MAP3K20: variants seen among roughly 807,000 people sequenced by gnomAD.
MAP3K20 encodes the protein mitogen-activated protein kinase kinase kinase 20, also known as HCCS-4.
Under a neutral mutation model 85.7 loss-of-function variants are expected in MAP3K20, and 40 were observed. That is an observed-to-expected ratio of 0.47 (90% CI 0.36 to 0.61). The LOEUF (loss-of-function observed/expected upper bound fraction) is 0.61, where lower values mean the gene tolerates loss of function less well. Among genes scored for constraint, MAP3K20 ranks in the 20% least tolerant of loss-of-function variants. MAP3K20 has a pLI of 0.00. For synonymous variants in MAP3K20, 325 were observed against 327.7 expected (o/e 0.99, Z 0.09); for missense variants, 817 against 961.7 (o/e 0.85, Z 1.99).
Position 173,238,352 on chromosome 2 carries a change from G to A in MAP3K20, c.1204-21G>A, listed in dbSNP as rs760358305. ...TTGGTATTACTGGATCATTAATAAA[G>A]TCATATGATTTTTTTTACAGTCAGC... On this transcript the variant is annotated intron_variant, in intron 14 of 19. Coordinates refer to ENST00000375213, the MANE Select transcript of MAP3K20 (RefSeq NM_016653.3). 4 of 1,599,338 alleles carry A rather than the reference G, an allele frequency of 2.5e-6. No homozygotes were observed. The South Asian group carries it at 3.3e-5, about 13-fold the overall frequency.
chr2:173,100,821 G>A (rs1282414460), intron 2 of MAP3K20, among the ~76,000 whole-genome samples: 1 of 152,158 alleles, frequency 6.6e-6, no homozygotes, highest in Admixed American at 6.5e-5. Flanking sequence ...TTTTGAATTG[G>A]AGAGTAAGCA....
chr2:173,148,774 G>T (rs879598914), intron 2 of MAP3K20, among the ~76,000 whole-genome samples: 18 of 152,198 alleles, frequency 1.2e-4, no homozygotes, highest in Admixed American at 2.0e-4. Context: ...GAATTTCATG[G>T]TTTGCCAAAT....
At chr2:173,190,090 T>G (rs1690603351) in intron 5 of MAP3K20, among the ~76,000 whole-genome samples, 1 of 152,192 alleles carries the variant, frequency 6.6e-6, no homozygotes, top group Admixed American at 6.5e-5. Context: ...TTGCCATACA[T>G]TTTTTGTCTG....
chr2:173,252,715 G>A (rs1408755814), intron 16 of MAP3K20, among the ~76,000 whole-genome samples: 2 of 152,152 alleles, frequency 1.3e-5, no homozygotes, highest in Non-Finnish European at 2.9e-5. Context: ...AGCACTCCCT[G>A]CAAATGCCCG....
At chr2:173,145,947 CAAAAA>C (rs1253591054) in intron 2 of MAP3K20, among the ~76,000 whole-genome samples, 3 of 151,894 alleles carry the variant, frequency 2.0e-5, no homozygotes, top group Non-Finnish European at 2.9e-5. Flanking sequence ...ATATATATCT[CAAAAA>C]CAAAATGTTG....
At chr2:173,165,802 G>T (rs913059084) in intron 2 of MAP3K20, among the ~76,000 whole-genome samples, 1 of 152,092 alleles carries the variant, frequency 6.6e-6, no homozygotes, top group Non-Finnish European at 1.5e-5. Context: ...CTCCTGAGTA[G>T]CTGGGACCAC....
At chr2:173,154,252 C>T (rs189065276) in intron 2 of MAP3K20, among the ~76,000 whole-genome samples, 120 of 152,238 alleles carry the variant, frequency 7.9e-4, no homozygotes, top group African/African-American at 2.8e-3. Flanking sequence ...GGCATGATCT[C>T]GGCTCACTGC....
rs375161591 is a variant in MAP3K20, at chr2:173,244,936, A to G, written c.1359+5440A>G. On this transcript the variant is annotated intron_variant, in intron 16 of 19. Coordinates refer to ENST00000375213, the MANE Select transcript of MAP3K20 (RefSeq NM_016653.3). ...GACCGGAATAAGCTTTCCAAGAGAA[A>G]ATTGGAGCTTTGCAAGTTCTCTCCA... Among the ~76,000 whole-genome samples the G allele has an allele frequency of 5.9e-5, 9 of 152,316 alleles. No individual in the cohort carries two copies. The East Asian group carries it at 1.3e-3, about 23-fold the overall frequency.
intron 2 of MAP3K20, among the ~76,000 whole-genome samples, chr2:173,127,182 G>A (rs187375760): frequency 4.5e-4 from 68 of 152,320 alleles, no homozygotes; most frequent in African/African-American, 1.5e-3. Context: ...AAGAAAGAAT[G>A]AAAAGATGGA....
Position 173,115,641 on chromosome 2 carries a change from A to G in MAP3K20, c.159+24451A>G, listed in dbSNP as rs1448845674. 1.3e-5 allele frequency among the ~76,000 whole-genome samples: 2 copies of G among 152,064 alleles called. 1 individual carries two copies. Among genetic ancestry groups the G allele is most frequent in the Non-Finnish European group, 2.9e-5 (2 of 68,010 alleles). On this transcript the variant is annotated intron_variant, in intron 2 of 19. Coordinates refer to ENST00000375213, the MANE Select transcript of MAP3K20 (RefSeq NM_016653.3). ...TAGTACTCTCCCCCTTTTCCTATGG[A>G]TGTGGCTTCCTGTGAGCCAAACTGC... is the stretch of plus-strand genomic sequence containing the variant.
intron 16 of MAP3K20, among the ~76,000 whole-genome samples, chr2:173,251,986 G>A (rs1685050665): frequency 6.6e-6 from 1 of 150,926 alleles, no homozygotes; most frequent in South Asian, 2.1e-4. Context: ...GGGAAAAATA[G>A]AGAGAGAGAG....
At chr2:173,226,315 TGA>T in intron 11 of MAP3K20, 1 of 984,886 alleles carries the variant, frequency 1.0e-6, no homozygotes, top group Non-Finnish European at 1.2e-6. Context: ...AAACTTATTC[TGA>T]GTTAAATATT....
intron 2 of MAP3K20, among the ~76,000 whole-genome samples, chr2:173,097,202 A>G (rs1559229426): frequency 6.6e-6 from 1 of 152,276 alleles, no homozygotes; most frequent in East Asian, 1.9e-4. Context: ...CTAAAAATAC[A>G]AAAATTAGCC....
intron 2 of MAP3K20, among the ~76,000 whole-genome samples, chr2:173,164,260 G>A (rs1027449944): frequency 6.6e-6 from 1 of 152,142 alleles, no homozygotes; most frequent in Non-Finnish European, 1.5e-5. Context: ...TAACTGGTGT[G>A]AGATGGTATC....
intron 9 of MAP3K20, 125 bp from the exon 10 acceptor site, chr2:173,209,604 T>C (rs1293439067): frequency 4.2e-6 from 3 of 709,630 alleles, no homozygotes; most frequent in Non-Finnish European, 6.9e-6. Flanking sequence ...CATCAGGACA[T>C]TGTATCATGT....
intron 14 of MAP3K20, among the ~76,000 whole-genome samples, chr2:173,235,519 T>C (rs1355137475): frequency 1.3e-5 from 2 of 152,206 alleles, no homozygotes; most frequent in African/African-American, 4.8e-5. Context: ...TGAGACATCC[T>C]GAATAGGCGA....
At chr2:173,238,639 G>A (rs1684709572) in intron 15 of MAP3K20, among the ~76,000 whole-genome samples, 1 of 152,112 alleles carries the variant, frequency 6.6e-6, no homozygotes, top group Non-Finnish European at 1.5e-5. Flanking sequence ...TTAACAATTT[G>A]TTCATGATAA....
intron 11 of MAP3K20, chr2:173,222,604 G>A (rs557331334): frequency 2.0e-6 from 2 of 985,310 alleles, no homozygotes; most frequent in East Asian, 1.1e-4. Flanking sequence ...TTTTTTAGAG[G>A]GGCATAATAA....
At chr2:173,215,387 C>T (rs1247011582) in intron 10 of MAP3K20, among the ~76,000 whole-genome samples, 3 of 147,574 alleles carry the variant, frequency 2.0e-5, no homozygotes, top group Middle Eastern at 3.4e-3. Flanking sequence ...TTTTTTTCCC[C>T]TCAGTCCTCC....
Sources: allele counts gnomAD v4.1 joint callset (sites outside exome capture counted in the v4.1 genomes callset), GRCh38; gene constraint gnomAD v4.1.1; transcripts MANE v1.5; gene names NCBI Gene and HGNC (gene_info 2026-07-23, HGNC 2026-07-21).